Variants in IFT56 observed in about 807,000 individuals in gnomAD.
IFT56 encodes the protein intraflagellar transport 56.
chr7:139,165,654 A>G, the IFT56 span, among the ~76,000 whole-genome samples: 6 of 151,978 alleles, frequency 3.9e-5, no homozygotes, highest in Non-Finnish European at 7.4e-5. Flanking sequence ...GTTTCTTTGT[A>G]CCCCAGGCTG....
the IFT56 span, chr7:139,142,160 A>G: frequency 1.6e-6 from 2 of 1,274,808 alleles, no homozygotes; most frequent in Non-Finnish European, 2.3e-6. Flanking sequence ...TCAGATGAGT[A>G]AGGTTTGGGA....
the IFT56 span, among the ~76,000 whole-genome samples, chr7:139,180,457 C>T: frequency 6.6e-6 from 1 of 152,186 alleles, no homozygotes; most frequent in East Asian, 1.9e-4. Context: ...CACCTGTAAT[C>T]CCAGCACTTT....
At chr7:139,147,717 C>T in the IFT56 span, among the ~76,000 whole-genome samples, 2 of 152,180 alleles carry the variant, frequency 1.3e-5, no homozygotes, top group African/African-American at 4.8e-5. Context: ...GTTATAGTTA[C>T]ATCGTAGGTA....
chr7:139,140,044 T>A, the IFT56 span: 1 of 1,313,778 alleles, frequency 7.6e-7, no homozygotes, highest in South Asian at 1.4e-5. Context: ...CATTCATAGT[T>A]AAGAGTTGTT....
At chr7:139,181,439 A>G in the IFT56 span, among the ~76,000 whole-genome samples, 3 of 152,264 alleles carry the variant, frequency 2.0e-5, no homozygotes, top group Non-Finnish European at 4.4e-5. Context: ...TCTAAAGGAT[A>G]TGAATCTTTA....
chr7:139,189,234 C>A, the IFT56 span: 1 of 929,254 alleles, frequency 1.1e-6, no homozygotes, highest in Non-Finnish European at 1.6e-6. Context: ...ACAAGACATA[C>A]AGTATGAAGG....
At chr7:139,166,716 A>G in the IFT56 span, 1 of 533,658 alleles carries the variant, frequency 1.9e-6, no homozygotes, top group Non-Finnish European at 3.5e-6. Context: ...GAGTTAGAAG[A>G]CAGATAAAAC....
At chr7:139,145,332 G>A in the IFT56 span, among the ~76,000 whole-genome samples, 257 of 151,926 alleles carry the variant, frequency 1.7e-3, no homozygotes, top group Middle Eastern at 6.8e-3. Context: ...CTAAATATCA[G>A]AATCACCTCT....
chr7:139,173,318 C>T, the IFT56 span: 2 of 407,990 alleles, frequency 4.9e-6, no homozygotes, highest in Non-Finnish European at 8.7e-6. Flanking sequence ...ACCTCTGCCT[C>T]CTGGGTTCAA....
chr7:139,165,354 A>C, the IFT56 span: 1 of 670,330 alleles, frequency 1.5e-6, no homozygotes, highest in Non-Finnish European at 2.5e-6. Context: ...ATTTGCAACA[A>C]GTTCATAGAA....
At chr7:139,136,257 G>C in the IFT56 span, among the ~76,000 whole-genome samples, 1 of 152,020 alleles carries the variant, frequency 6.6e-6, no homozygotes, top group Non-Finnish European at 1.5e-5. Context: ...CTCTGGTGTT[G>C]AGCGTGTTTT....
At chr7:139,191,319 G>T in the IFT56 span, 19 of 152,094 alleles carry the variant, frequency 1.2e-4, no homozygotes, top group Non-Finnish European at 1.3e-4. Context: ...AACTAGATGG[G>T]TCCCATCTGG....
chr7:139,134,609 T>A, the IFT56 span: 1 of 1,549,670 alleles, frequency 6.5e-7, no homozygotes, highest in South Asian at 1.3e-5. Context: ...AGTTTAAATC[T>A]GATAATCAGA....
At chr7:139,189,529 T>A in the IFT56 span, 2 of 858,808 alleles carry the variant, frequency 2.3e-6, no homozygotes, top group South Asian at 3.3e-5. Flanking sequence ...CTCTGTTTTA[T>A]TGACATTTTC....
chr7:139,142,264 A>T, the IFT56 span: 2 of 1,614,126 alleles, frequency 1.2e-6, no homozygotes, highest in Non-Finnish European at 1.7e-6. Context: ...AGCTTCAAAA[A>T]GCCGACTCCA....
the IFT56 span, among the ~76,000 whole-genome samples, chr7:139,135,976 T>G: frequency 6.6e-6 from 1 of 151,906 alleles, no homozygotes; most frequent in Non-Finnish European, 1.5e-5. Context: ...CAGGCTAGAG[T>G]GCAATGGCGC....
At chr7:139,163,091 T>A in the IFT56 span, among the ~76,000 whole-genome samples, 1 of 151,956 alleles carries the variant, frequency 6.6e-6, no homozygotes, top group East Asian at 1.9e-4. Context: ...ATGCCTGTAA[T>A]CCCAGCACTT....
chr7:139,173,454 C>G, the IFT56 span: 4 of 608,952 alleles, frequency 6.6e-6, no homozygotes, highest in Non-Finnish European at 1.2e-5. Context: ...GTCTCCAACT[C>G]CTGACCTCAG....
At chr7:139,160,241 T>C in the IFT56 span, among the ~76,000 whole-genome samples, 4 of 152,074 alleles carry the variant, frequency 2.6e-5, no homozygotes, top group African/African-American at 9.7e-5. Flanking sequence ...AACCCACTAA[T>C]AGAAATAGAA....
Sources: allele counts gnomAD v4.1 joint callset (sites outside exome capture counted in the v4.1 genomes callset), GRCh38; gene constraint gnomAD v4.1.1; transcripts MANE v1.5; gene names NCBI Gene and HGNC (gene_info 2026-07-23, HGNC 2026-07-21).